The following CLCA1 variants were observed in gnomAD, a reference collection of about 807,000 sequenced individuals.
CLCA1 encodes the protein calcium-activated chloride channel regulator 1.
A neutral mutation model predicts 85.6 loss-of-function variants in CLCA1; 59 were observed. The ratio of observed to expected loss-of-function variants is 0.69; its 90% CI spans 0.56 to 0.86. The LOEUF (loss-of-function observed/expected upper bound fraction) is 0.86. CLCA1 is among the 40% of genes least tolerant of loss of function. The pLI is 0.00. For missense variants in CLCA1, 1,022 were observed against 1,101.4 expected (o/e 0.93, Z 1.02); for synonymous variants, 396 against 398.3 (o/e 0.99, Z 0.07).
chr1:86,499,311 A>G (rs1425698622), intron 13 of CLCA1, among the ~76,000 whole-genome samples: 2 of 152,246 alleles, frequency 1.3e-5, no homozygotes, highest in Non-Finnish European at 2.9e-5. Context: ...TTTGAGAAGC[A>G]TTGGTGCAAA....
At chr1:86,487,967 C>A (rs1181048834) in intron 7 of CLCA1, among the ~76,000 whole-genome samples, 1 of 152,232 alleles carries the variant, frequency 6.6e-6, no homozygotes, top group African/African-American at 2.4e-5. Flanking sequence ...GTGATCACAG[C>A]TGACAGGCTT....
chr1:86,473,588 C>T (rs1025838080), intron 2 of CLCA1, 31 bp downstream of exon 2: 2 of 1,548,146 alleles, frequency 1.3e-6, no homozygotes, highest in African/African-American at 1.4e-5. Context: ...TTTAAAATTC[C>T]ACTTTCTCCT....
At position 86,484,996 on chromosome 1, in the gene CLCA1, T is replaced by C. The variant is rs376717833; in HGVS notation, c.736-347T>C. On this transcript the variant is annotated intron_variant, in intron 5 of 13. Transcript: ENST00000394711. ...GAGTGAGAAGTAAGGAAGTGGAGTTTGGTGGTATAAGGGTGGAGAGATAAG... is the reference window on the plus strand; with the variant it reads ...GAGTGAGAAGTAAGGAAGTGGAGTTCGGTGGTATAAGGGTGGAGAGATAAG... Among the ~76,000 whole-genome samples, 41 of 152,122 alleles carry C rather than the reference T, an allele frequency of 2.7e-4. 1 individual carries two copies. In the South Asian group the frequency reaches 8.1e-3, roughly 30 times the overall value.
Position 86,486,568 on chromosome 1 carries a change from T to C in CLCA1, c.997T>C (p.Phe333Leu). Residue 333 changes from phenylalanine (F) to leucine (L), a missense_variant, in exon 7 of 14, where the codon TTC becomes CTC. Phe to Leu is a conservative substitution (Grantham distance 22). Coordinates refer to ENST00000394711, the MANE Select transcript of CLCA1 (RefSeq NM_001285.4). ...TCGACTGAATCAAGCAGGCCAGCTT[T>C]TCCTGCTGCAGACAGTTGAGCTGGG... ...LNRLNQAGQL[F>L]LLQTVELGSW... 1.2e-6 allele frequency: 2 copies of C among 1,614,174 alleles called. No homozygotes were observed. The highest frequency in any genetic ancestry group is 1.7e-6 in the Non-Finnish European group (2 of 1,180,026).
At position 86,485,427 on chromosome 1, in the gene CLCA1, G is replaced by A. The variant is rs770544518; in HGVS notation, c.820G>A (p.Glu274Lys). ...AAAATGCAATCTCCGAAGCACATGGGAAGTGATCCGTGATTCTGAGGACTT... is the reference window on the plus strand; with the variant it reads ...AAAATGCAATCTCCGAAGCACATGGAAAGTGATCCGTGATTCTGAGGACTT... ...NQKCNLRSTW[E>K]VIRDSEDFKK... The change falls in exon 6 of 14, where the codon GAA (glutamate) becomes AAA (lysine). Residue 274 changes from glutamate to lysine, a missense_variant. By Grantham distance (56) the Glu-to-Lys change is moderately conservative. Transcript: ENST00000394711. The A allele has an allele frequency of 1.2e-5, 20 of 1,614,036 alleles. No homozygotes were observed. Among genetic ancestry groups the A allele is most frequent in the Non-Finnish European group, 1.6e-5 (19 of 1,180,008 alleles).
At position 86,473,877 on chromosome 1, in the gene CLCA1, G is replaced by A. The variant is rs1647568725; in HGVS notation, c.451+1G>A. The A allele has an allele frequency of 6.3e-6, 10 of 1,593,784 alleles. No homozygotes were observed. The highest frequency in any genetic ancestry group is 7.7e-6 in the Non-Finnish European group (9 of 1,169,806). The stretch of plus-strand genomic sequence containing the variant: ...AAGTTAGCTGAATATGGACCACAAG[G>A]TATGAAATATTCTACCATACTTCTC... On this transcript the variant is annotated splice_donor_variant, in intron 3 of 13. Coordinates refer to ENST00000394711, the MANE Select transcript of CLCA1 (RefSeq NM_001285.4). LOFTEE classifies it high-confidence loss of function.
In CLCA1 at chr1:86,495,681, T is replaced by C; in HGVS notation, c.2113+6T>C. On this transcript the variant is annotated splice_donor_region_variant and intron_variant, in intron 12 of 13. Transcript: ENST00000394711. Reference sequence around the variant, plus strand: ...ACCTGGCTGGATTGAGAATGGTAAGTAATTTGTAATAACATACCTGGCTTG... The same window carrying C: ...ACCTGGCTGGATTGAGAATGGTAAGCAATTTGTAATAACATACCTGGCTTG... The C allele has an allele frequency of 6.2e-7, 1 of 1,602,162 alleles. No individual in the cohort carries two copies. Among genetic ancestry groups the C allele is most frequent in the East Asian group, 2.2e-5 (1 of 44,630 alleles).
At chr1:86,487,782 G>A (rs1292965094) in intron 7 of CLCA1, among the ~76,000 whole-genome samples, 2 of 152,180 alleles carry the variant, frequency 1.3e-5, no homozygotes, top group South Asian at 2.1e-4. Flanking sequence ...CTCAGCCTCT[G>A]TGGCAGGATT....
intron 8 of CLCA1, 92 bp downstream of exon 8, chr1:86,489,262 A>G: frequency 8.0e-7 from 1 of 1,249,726 alleles, no homozygotes; most frequent in Non-Finnish European, 1.1e-6. Flanking sequence ...GATGGGATGG[A>G]GAGAGATAGG....
Position 86,485,493 on chromosome 1 carries a change from A to G in CLCA1, c.886A>G (p.Thr296Ala). 6.2e-7 allele frequency: 1 copy of G among 1,614,088 alleles called. No homozygotes were observed. Among genetic ancestry groups the G allele is most frequent in the Non-Finnish European group, 8.5e-7 (1 of 1,180,006 alleles). The change falls in exon 6 of 14, where the codon ACC (threonine) becomes GCC (alanine). Residue 296 changes from threonine to alanine, a missense_variant. By Grantham distance (58) the Thr-to-Ala change is moderately conservative (BLOSUM62 0). Transcript: ENST00000394711. ...TPMTTQPPNP[T>A]FSLLQIGQRI... is the part of the protein sequence containing the mutation. Reference sequence around the variant, plus strand: ...TATGACAACACAGCCACCAAATCCCACCTTCTCATTGCTGCAGATTGGACA... The same window carrying G: ...TATGACAACACAGCCACCAAATCCCGCCTTCTCATTGCTGCAGATTGGACA...
chr1:86,481,519 G>T (rs1347664722), intron 4 of CLCA1, among the ~76,000 whole-genome samples: 1 of 152,066 alleles, frequency 6.6e-6, no homozygotes, highest in African/African-American at 2.4e-5. Context: ...AAAGCTATCT[G>T]TGCAGTGAGT....
intron 13 of CLCA1, among the ~76,000 whole-genome samples, chr1:86,499,379 G>A (rs955149132): frequency 3.3e-5 from 5 of 152,100 alleles, no homozygotes; most frequent in Admixed American, 6.5e-5. Flanking sequence ...TCTTTCTGCC[G>A]GGCACTATGG....
At chr1:86,478,909 A>T (rs1647748792) in intron 4 of CLCA1, among the ~76,000 whole-genome samples, 2 of 152,244 alleles carry the variant, frequency 1.3e-5, no homozygotes, top group Non-Finnish European at 2.9e-5. Flanking sequence ...AGGTTACTTC[A>T]TTCATATGAT....
At chr1:86,474,062 G>A (rs1647575419) in intron 3 of CLCA1, among the ~76,000 whole-genome samples, 186 bp downstream of exon 3, 1 of 152,178 alleles carries the variant, frequency 6.6e-6, no homozygotes, top group South Asian at 2.1e-4. Context: ...TCTCAGCTAT[G>A]AATTTAATTT....
At chr1:86,469,264 T>C in intron 1 of CLCA1, 131 bp downstream of exon 1, 1 of 607,406 alleles carries the variant, frequency 1.6e-6, no homozygotes. Flanking sequence ...TTTCTTCATC[T>C]GTAAAATGGA....
intron 10 of CLCA1, 88 bp downstream of exon 10, chr1:86,493,687 G>C: frequency 9.5e-7 from 1 of 1,057,576 alleles, no homozygotes; most frequent in Non-Finnish European, 1.4e-6. Flanking sequence ...AAATGTTGGT[G>C]GTTGCTAAAA....
At chr1:86,498,916 G>A in intron 13 of CLCA1, 105 bp downstream of exon 13, 1 of 1,273,530 alleles carries the variant, frequency 7.9e-7, no homozygotes, top group Non-Finnish European at 1.1e-6. Flanking sequence ...GGGGGCAGAA[G>A]GCAGGAGGGA....
chr1:86,493,338 A>G, intron 9 of CLCA1, 46 bp from the exon 10 acceptor site: 1 of 1,462,372 alleles, frequency 6.8e-7, no homozygotes, highest in Non-Finnish European at 9.6e-7. Flanking sequence ...AGATCATGTG[A>G]TGGGAGCTGT....
intron 10 of CLCA1, 132 bp downstream of exon 10, chr1:86,493,731 G>C: frequency 2.9e-6 from 2 of 685,504 alleles, no homozygotes; most frequent in South Asian, 4.0e-5. Flanking sequence ...AGAGAACGAG[G>C]AAAAAAAATC....
Sources: gnomAD v4.1 joint callset for allele counts (sites outside exome capture counted in the v4.1 genomes callset) on GRCh38, gnomAD v4.1.1 for gene constraint, MANE v1.5 for transcripts, NCBI Gene and HGNC (gene_info 2026-07-23, HGNC 2026-07-21) for gene names.